The following DNAH9 variants were observed in gnomAD, a reference collection of about 807,000 sequenced individuals.
DNAH9 encodes the protein dynein axonemal heavy chain 9.
Under a neutral mutation model 471.6 loss-of-function variants are expected in DNAH9, and 345 were observed. The observed-to-expected ratio is 0.73, with a 90% CI of 0.67 to 0.80. The LOEUF (loss-of-function observed/expected upper bound fraction) is 0.80, where lower values mean the gene tolerates loss of function less well. Ranked by LOEUF, DNAH9 falls within the 30% of genes least tolerant of loss-of-function variation. DNAH9 has a pLI of 0.00. For missense variants in DNAH9, 5,407 were observed against 5,609.2 expected, an observed-to-expected ratio of 0.96 and a Z score of 1.15; for synonymous variants, 2,093 against 2,123.6, an observed-to-expected ratio of 0.99 and a Z score of 0.40.
chr17:11,784,444 C>T lies in DNAH9; in HGVS notation c.7966C>T (p.Leu2656Phe). 6.2e-7 allele frequency: 1 copy of T among 1,614,222 alleles called. No individual in the cohort carries two copies. The highest frequency in any genetic ancestry group is 1.1e-5 in the South Asian group (1 of 91,088). The change falls in exon 41 of 69, where the codon CTC becomes TTC. Residue 2656 changes from leucine to phenylalanine, a missense_variant. Transcript: ENST00000262442. ...KSIPPLIDLA[L>F]AFHQKIATTF... ...CATCCCCCCACTGATCGATCTGGCC[C>T]TCGCCTTCCACCAGAAAATTGCTAC...
At position 11,652,833 on chromosome 17, in the gene DNAH9, A is replaced by G; in HGVS notation, c.2426A>G (p.Asp809Gly). 1 of 1,613,990 alleles carries G rather than the reference A, an allele frequency of 6.2e-7. No homozygotes were observed. The highest frequency in any genetic ancestry group is 8.5e-7 in the Non-Finnish European group (1 of 1,179,854). Reference sequence around the variant, plus strand: ...GAACAAAGAATTCAGAAAACTAAAGACAATGTGGAAGAGATCCAAAACATC... The same window carrying G: ...GAACAAAGAATTCAGAAAACTAAAGGCAATGTGGAAGAGATCCAAAACATC... ...DLEQRIQKTKDNVEEIQNIMK... is the reference protein window; with the variant it reads ...DLEQRIQKTKGNVEEIQNIMK... Residue 809 changes from aspartate to glycine, a missense_variant, in exon 14 of 69, where the codon GAC becomes GGC. By Grantham distance (94) the Asp-to-Gly change is moderately conservative. This residue lies in a region of DNAH9 where 4,636 missense variants were observed against 4,900.3 expected (regional missense o/e 0.95). Coordinates refer to ENST00000262442, the MANE Select transcript of DNAH9 (RefSeq NM_001372.4).
Position 11,747,555 on chromosome 17 carries a change from G to A in DNAH9, c.6400-1G>A. On this transcript the variant is annotated splice_acceptor_variant, in intron 31 of 68. Transcript: ENST00000262442. LOFTEE classifies it high-confidence loss of function. ...TCTGGCTGAATTTCCTGCCTCCTCA[G>A]GTGGTCCAGCTGGAGGAGCTCCTGG... 1 of 1,612,980 alleles carries A rather than the reference G, an allele frequency of 6.2e-7. No individual in the cohort carries two copies. The highest frequency in any genetic ancestry group is 8.5e-7 in the Non-Finnish European group (1 of 1,179,848).
chr17:11,680,609 A>C, intron 18 of DNAH9, 114 bp from the exon 19 acceptor site: 1 of 832,126 alleles, frequency 1.2e-6, no homozygotes, highest in Non-Finnish European at 1.9e-6. Flanking sequence ...ACACCACCAC[A>C]CCATTGTACC....
intron 43 of DNAH9, among the ~76,000 whole-genome samples, chr17:11,802,972 G>A (rs892427179): frequency 2.6e-5 from 4 of 152,174 alleles, no homozygotes; most frequent in African/African-American, 9.7e-5. Context: ...GGGATGCTTT[G>A]GGAAGGATGC....
At chr17:11,613,271 T>A (rs1184040480) in intron 4 of DNAH9, among the ~76,000 whole-genome samples, 3 of 152,080 alleles carry the variant, frequency 2.0e-5, no homozygotes, top group Non-Finnish European at 2.9e-5. Flanking sequence ...TCCCCAGAAG[T>A]GGTATGTGTA....
intron 59 of DNAH9, among the ~76,000 whole-genome samples, chr17:11,900,569 A>AC (rs1228796749): frequency 1.3e-5 from 2 of 149,750 alleles, no homozygotes; most frequent in African/African-American, 2.4e-5. Flanking sequence ...AATTCTACAT[A>AC]CCTACCAAGG....
chr17:11,784,377 G>T lies in DNAH9; in HGVS notation c.7899G>T (p.Gln2633His). 6.2e-7 allele frequency: 1 copy of T among 1,614,144 alleles called. No homozygotes were observed. Among genetic ancestry groups the T allele is most frequent in the Non-Finnish European group, 8.5e-7 (1 of 1,180,030 alleles). The change falls in exon 41 of 69, where the codon CAG (glutamine) becomes CAT (histidine). Residue 2633 changes from glutamine to histidine, a missense_variant. Transcript: ENST00000262442. ...LSSIYSIILT[Q>H]HLKLGNFPAS... ...CTATCTACAGCATCATCCTCACTCA[G>T]CATCTGAAGCTCGGAAACTTCCCGG... is the stretch of plus-strand genomic sequence containing the variant.
chr17:11,900,534 C>T lies in DNAH9; in HGVS notation c.11407-2185C>T, dbSNP rs1325612128. ...AAAAAAAAAAATTCCCTTTCCTTCA[C>T]TCTACCTCCATCTCTGCCCAGCAGA... On this transcript the variant is annotated intron_variant, in intron 59 of 68. Transcript: ENST00000262442. Among the ~76,000 whole-genome samples, 3 of 143,206 alleles carry T rather than the reference C, an allele frequency of 2.1e-5. No individual in the cohort carries two copies. In the East Asian group the frequency reaches 6.1e-4, roughly 29 times the overall value. 93.9% of individuals were successfully genotyped at this position (143,206 alleles called of 152,430 possible).
In DNAH9 at chr17:11,793,664, TGTGA is replaced by T. The variant is rs770717190; in HGVS notation, c.8223+3_8223+6del. On this transcript the variant is annotated splice_donor_variant and splice_donor_region_variant and intron_variant, in intron 42 of 68. Coordinates refer to ENST00000262442, the MANE Select transcript of DNAH9 (RefSeq NM_001372.4). LOFTEE classifies it high-confidence loss of function. ...CAGAAGTGCTCAAGAAAACTTTTGA[TGTGA>T]GTATTGCCCTATGGATTTTCTTTGT... 1.2e-6 allele frequency: 2 copies of T among 1,607,410 alleles called. No individual in the cohort carries two copies. The highest frequency in any genetic ancestry group is 1.7e-6 in the Non-Finnish European group (2 of 1,176,414).
intron 44 of DNAH9, among the ~76,000 whole-genome samples, chr17:11,808,895 G>A (rs1437968037): frequency 6.6e-6 from 1 of 152,154 alleles, no homozygotes; most frequent in Admixed American, 6.5e-5. Context: ...CACTGTCTTA[G>A]ATCACTTAGA....
chr17:11,945,925 T>C (rs574144541), intron 67 of DNAH9, among the ~76,000 whole-genome samples: 1 of 150,488 alleles, frequency 6.6e-6, no homozygotes, highest in Admixed American at 6.6e-5. Flanking sequence ...TAGCCGGGCG[T>C]AGTGGTGGGC....
At chr17:11,742,133 T>C (rs756526860) in intron 29 of DNAH9, 42 bp from the exon 30 acceptor site, 2 of 1,606,632 alleles carry the variant, frequency 1.2e-6, no homozygotes, top group East Asian at 2.2e-5. Context: ...TTCAACACTG[T>C]ACTTGGGAAA....
intron 60 of DNAH9, among the ~76,000 whole-genome samples, 154 bp downstream of exon 60, chr17:11,903,066 C>T (rs967720588): frequency 1.3e-5 from 2 of 152,190 alleles, no homozygotes; most frequent in African/African-American, 2.4e-5. Context: ...ACAGGCCAGG[C>T]GCGGTGGCTC....
chr17:11,614,469 T>G lies in DNAH9; in HGVS notation c.904+2689T>G, dbSNP rs186750638. Among the ~76,000 whole-genome samples the G allele has an allele frequency of 1.4e-4, 21 of 152,254 alleles. 1 individual carries two copies. The highest frequency in any genetic ancestry group is 4.1e-4 in the African/African-American group (17 of 41,556). On this transcript the variant is annotated intron_variant, in intron 4 of 68. Coordinates refer to ENST00000262442, the MANE Select transcript of DNAH9 (RefSeq NM_001372.4). ...GAAAACAGGAAAGCAACAGTCCCCT[T>G]GAGAAGGAAGAACAAGGGCAATAAA...
At position 11,892,555 on chromosome 17, in the gene DNAH9, CT is replaced by C. The variant is rs1190557615; in HGVS notation, c.11283+616del. 1.3e-5 allele frequency among the ~76,000 whole-genome samples: 2 copies of C among 152,000 alleles called. No individual in the cohort carries two copies. The highest frequency in any genetic ancestry group is 4.2e-4 in the South Asian group (2 of 4,812). ...TCAAAAAACCATGAAAATTTACTTC[CT>C]TTTTTTTATTTTGAGATGGAGTCTC... On this transcript the variant is annotated intron_variant, in intron 58 of 68. Coordinates refer to ENST00000262442, the MANE Select transcript of DNAH9 (RefSeq NM_001372.4). The surrounding 1 kb of genome is among the most constrained non-coding windows in gnomAD (Gnocchi z 4.3).
At chr17:11,898,230 T>C (rs1973285621) in intron 59 of DNAH9, among the ~76,000 whole-genome samples, 1 of 152,202 alleles carries the variant, frequency 6.6e-6, no homozygotes, top group East Asian at 1.9e-4. Context: ...GTTCAAGCGA[T>C]TCTCCTGACT....
chr17:11,711,989 TAA>T (rs1491443980), intron 26 of DNAH9, among the ~76,000 whole-genome samples: 1 of 16,472 alleles, frequency 6.1e-5, no homozygotes, highest in Admixed American at 1.5e-3. Flanking sequence ...TATTTATATA[TAA>T]ATATATATAT....
chr17:11,811,893 G>A (rs1969916621), intron 45 of DNAH9, among the ~76,000 whole-genome samples: 1 of 147,478 alleles, frequency 6.8e-6, no homozygotes, highest in African/African-American at 2.5e-5. Context: ...GGGAGGGTGA[G>A]GCAGGAGAAT....
chr17:11,649,035 G>A (rs985190904), intron 12 of DNAH9, among the ~76,000 whole-genome samples: 5 of 151,902 alleles, frequency 3.3e-5, no homozygotes, highest in African/African-American at 9.7e-5. Context: ...GCTGAGGCAG[G>A]AGAATTGCTT....
Sources: allele counts gnomAD v4.1 joint callset (sites outside exome capture counted in the v4.1 genomes callset), GRCh38; gene constraint gnomAD v4.1.1; regional missense constraint gnomAD v4.1.1; non-coding constraint Gnocchi (gnomAD v3.1); transcripts MANE v1.5; gene names NCBI Gene and HGNC (gene_info 2026-07-23, HGNC 2026-07-21).